The following YBX2 variants were observed in gnomAD, a reference collection of about 807,000 sequenced individuals.
YBX2 encodes Y-box binding protein 2.
YBX2 carries 5 observed loss-of-function variants against 44.4 expected under a neutral mutation model. The ratio of observed to expected loss-of-function variants is 0.11; its 90% CI spans 0.06 to 0.24. The LOEUF is 0.24. Ranked by LOEUF, YBX2 falls within the 10% of genes least tolerant of loss-of-function variation. The pLI, the probability that YBX2 is intolerant of heterozygous loss-of-function variation, is 1.00. For missense variants in YBX2, 417 were observed against 526.9 expected, an observed-to-expected ratio of 0.79 and a Z score of 2.04; for synonymous variants, 188 against 216.1, an observed-to-expected ratio of 0.87 and a Z score of 1.14.
rs1372477696 is a variant in YBX2 at position 7,290,035 on chromosome 17, A to G, written c.781T>C (p.Leu261=). 5.0e-6 allele frequency: 8 copies of G among 1,614,196 alleles called. No homozygotes were observed. The highest frequency in any genetic ancestry group is 3.3e-4 in the Middle Eastern group (2 of 6,062). ...DRVEPKETAP[L]EGHQQQGDER... ...TCTCCCTGCTGTTGGTGCCCCTCCAATGGGGCTGTCTCTTTGGGTTCTACC... is the reference window on the plus strand; with the variant it reads ...TCTCCCTGCTGTTGGTGCCCCTCCAGTGGGGCTGTCTCTTTGGGTTCTACC... The change falls in exon 6 of 9, where the codon TTG becomes CTG. Residue 261 remains leucine (L), a synonymous_variant. Transcript: ENST00000007699.
At position 7,291,896 on chromosome 17, in the gene YBX2, G is replaced by A. The variant is rs930535277; in HGVS notation, c.369+130C>T. ...AGTGCGGCTAATGGTGGTTGACACA[G>A]GCACCCAAGGCGGATGGGCCGTTGT... On this transcript the variant is annotated intron_variant, in intron 3 of 8. Transcript: ENST00000007699. The surrounding 1 kb of genome is among the most constrained non-coding windows in gnomAD (Gnocchi z 5.8). 1.7e-6 allele frequency: 2 copies of A among 1,185,364 alleles called. No homozygotes were observed. Among genetic ancestry groups the A allele is most frequent in the Admixed American group, 3.5e-5 (2 of 56,596 alleles). The allele number at this position is 1,185,364 out of a possible 1,614,324, so 73.4% of individuals were successfully genotyped here.
chr17:7,294,446 G>A lies in YBX2; in HGVS notation c.55C>T (p.Pro19Ser), dbSNP rs1441124846. The change falls in exon 1 of 9, where the codon CCC becomes TCC. Residue 19 changes from proline (P) to serine (S), a missense_variant. Transcript: ENST00000007699. This position sits in a 1 kb window ranked among gnomAD's most constrained non-coding sequence, Gnocchi z 4.6. The part of the protein sequence containing the change: ...GATAVPAATV[P>S]ATAAGVVAVV... Reference sequence around the variant, plus strand: ...GCTACCACCCCTGCCGCCGTCGCGGGCACCGTCGCCGCGGGGACCGCTGTA... The same window carrying A: ...GCTACCACCCCTGCCGCCGTCGCGGACACCGTCGCCGCGGGGACCGCTGTA... 1 of 1,474,652 alleles carries A rather than the reference G, an allele frequency of 6.8e-7. No homozygotes were observed. The highest frequency in any genetic ancestry group is 9.0e-7 in the Non-Finnish European group (1 of 1,116,080). 91.3% of individuals were successfully genotyped at this position (1,474,652 alleles called of 1,614,324 possible).
intron 2 of YBX2, chr17:7,292,921 C>T (rs988652665): frequency 1.2e-5 from 2 of 168,216 alleles, no homozygotes; most frequent in Admixed American, 5.6e-5. Context: ...AGACCTGGCT[C>T]TGCTCAGAAT....
rs1395251102 is a variant in YBX2 at position 7,289,675 on chromosome 17, C to T, written c.899G>A (p.Gly300Asp). ...RQQPTTEGGD[G>D]ETKPSQGPAD... is the part of the protein sequence containing the mutation. ...GGGACCTTGGCTGGGCTTGGTCTCA[C>T]CATCCCCACCTTCTGTGGTAGGCTG... Residue 300 changes from glycine (G) to aspartate (D), a missense_variant, in exon 7 of 9, where the codon GGT becomes GAT. Gly to Asp is a moderately conservative substitution (Grantham distance 94, BLOSUM62 -1). This residue lies in a region of YBX2 where 257 missense variants were observed against 261.7 expected (regional missense o/e 0.98). Coordinates refer to ENST00000007699, the MANE Select transcript of YBX2 (RefSeq NM_015982.4). 6.2e-7 allele frequency: 1 copy of T among 1,614,080 alleles called. No homozygotes were observed. Among genetic ancestry groups the T allele is most frequent in the Non-Finnish European group, 8.5e-7 (1 of 1,179,984 alleles).
chr17:7,293,130 G>A, intron 2 of YBX2: 1 of 354,398 alleles, frequency 2.8e-6, no homozygotes, highest in South Asian at 2.7e-5. Flanking sequence ...TTCCAGCCGG[G>A]GGCCCTGAGG....
intron 2 of YBX2, chr17:7,292,959 AG>A: frequency 5.4e-6 from 1 of 184,696 alleles, no homozygotes; most frequent in Non-Finnish European, 1.1e-5. Context: ...CCCGGTGCTG[AG>A]GGGTGGGGCT....
chr17:7,291,761 A>C lies in YBX2; in HGVS notation c.369+265T>G. On this transcript the variant is annotated intron_variant, in intron 3 of 8. Coordinates refer to ENST00000007699, the MANE Select transcript of YBX2 (RefSeq NM_015982.4). This position sits in a 1 kb window ranked among gnomAD's most constrained non-coding sequence, Gnocchi z 5.8. Reference sequence around the variant, plus strand: ...TGCACCCAAGGACCTTCTCCCTCTGAAAACTGCCTCAGTGCTTCCTGGAGT... The same window carrying C: ...TGCACCCAAGGACCTTCTCCCTCTGCAAACTGCCTCAGTGCTTCCTGGAGT... 1.9e-6 allele frequency: 1 copy of C among 520,556 alleles called. No homozygotes were observed. Among genetic ancestry groups the C allele is most frequent in the East Asian group, 3.3e-5 (1 of 30,126 alleles). 32.2% of individuals were successfully genotyped at this position (520,556 alleles called of 1,614,324 possible).
In YBX2 at chr17:7,290,542, A is replaced by T; in HGVS notation, c.460-7T>A. On this transcript the variant is annotated splice_polypyrimidine_tract_variant and splice_region_variant and intron_variant, in intron 4 of 8. Transcript: ENST00000007699. ...CATTAGTGGCTTCTGCGCCCTGGGA[A>T]GGTGGTAAGGGAATAGTGAGAACCT... 1 of 1,610,896 alleles carries T rather than the reference A, an allele frequency of 6.2e-7. No individual in the cohort carries two copies. Among genetic ancestry groups the T allele is most frequent in the Non-Finnish European group, 8.5e-7 (1 of 1,178,080 alleles).
intron 7 of YBX2, 138 bp downstream of exon 7, chr17:7,289,392 G>T (rs2072480710): frequency 2.3e-6 from 3 of 1,333,094 alleles, no homozygotes; most frequent in Non-Finnish European, 3.0e-6. Context: ...GACCCAGCAG[G>T]CTGCATGGAA....
rs891394877 is a variant in YBX2, at chr17:7,294,144, G to A, written c.271+86C>T. On this transcript the variant is annotated intron_variant, in intron 1 of 8. Coordinates refer to ENST00000007699, the MANE Select transcript of YBX2 (RefSeq NM_015982.4). The surrounding 1 kb of genome is among the most constrained non-coding windows in gnomAD (Gnocchi z 4.6). The stretch of plus-strand genomic sequence containing the variant: ...GGGCCTGCGGGCCAGGCCGCCTTTG[G>A]TTTTCCGGATCCTGCCGGGCTCCAC... 5.7e-6 allele frequency: 7 copies of A among 1,227,178 alleles called. No homozygotes were observed. The highest frequency in any genetic ancestry group is 1.6e-5 in the African/African-American group (1 of 63,650). 76.0% of individuals were successfully genotyped at this position (1,227,178 alleles called of 1,614,324 possible). A position where few individuals can be genotyped will look rare whatever the true frequency, so the allele number is the denominator to read the frequency against.
Position 7,294,373 on chromosome 17 carries a change from GC to G in YBX2, c.127del (p.Ala43ArgfsTer118). 2 of 1,407,524 alleles carry G rather than the reference GC, an allele frequency of 1.4e-6. No homozygotes were observed. The highest frequency in any genetic ancestry group is 3.2e-5 in the East Asian group (1 of 31,542). The allele number at this position is 1,407,524 out of a possible 1,614,324, so 87.2% of individuals were successfully genotyped here. ...CGAGGCGGCTCCGCCCCCGCCGCCCGCCCCGCCGCCTTTCTGCGGCTCCCCT... is the reference window on the plus strand; with the variant it reads ...CGAGGCGGCTCCGCCCCCGCCGCCCGCCCGCCGCCTTTCTGCGGCTCCCCT... Reference protein sequence around the residue: ...PAGEPQKGGGAGGGGGAASGP... With the variant: ...PAGEPQKGGGXGGGGGAASGP... On this transcript the variant is annotated frameshift_variant, in exon 1 of 9. Coordinates refer to ENST00000007699, the MANE Select transcript of YBX2 (RefSeq NM_015982.4). LOFTEE classifies it high-confidence loss of function. This position sits in a 1 kb window ranked among gnomAD's most constrained non-coding sequence, Gnocchi z 4.6.
intron 7 of YBX2, 103 bp downstream of exon 7, chr17:7,289,427 G>A: frequency 6.6e-7 from 1 of 1,508,512 alleles, no homozygotes. Flanking sequence ...GGCCAGGGCA[G>A]GGGAGGGGAG....
rs1329522833 is a variant in YBX2, at chr17:7,294,578, G to T, written c.-78C>A. On this transcript the variant is annotated 5_prime_UTR_variant, in exon 1 of 9. Coordinates refer to ENST00000007699, the MANE Select transcript of YBX2 (RefSeq NM_015982.4). The surrounding 1 kb of genome is among the most constrained non-coding windows in gnomAD (Gnocchi z 4.6). ...GGCTCGCGAACCCACCGCCCTGCTC[G>T]GTCCTCGCGCCCCGAGCCTCGCCCA... is the stretch of plus-strand genomic sequence containing the variant. The T allele has an allele frequency of 5.7e-5, 72 of 1,271,638 alleles. No individual in the cohort carries two copies. In the Middle Eastern group the frequency reaches 9.1e-4, roughly 16 times the overall value. 78.8% of individuals were successfully genotyped at this position (1,271,638 alleles called of 1,614,324 possible). A position where few individuals can be genotyped will look rare whatever the true frequency, so the allele number is the denominator to read the frequency against.
Position 7,291,159 on chromosome 17 carries a change from G to A in YBX2, c.393C>T (p.Pro131=). 1.9e-6 allele frequency: 3 copies of A among 1,613,930 alleles called. No homozygotes were observed. The highest frequency in any genetic ancestry group is 2.5e-6 in the Non-Finnish European group (3 of 1,180,022). The change falls in exon 4 of 9, where the codon CCC becomes CCT. Residue 131 remains proline, a synonymous_variant. Transcript: ENST00000007699. The surrounding 1 kb of genome is among the most constrained non-coding windows in gnomAD (Gnocchi z 5.8). ...CTCCAACGCTGCGCAGAAACTTCCTGGGGTTGTTTCTTTTAATAGCTGTCT... is the reference window on the plus strand; with the variant it reads ...CTCCAACGCTGCGCAGAAACTTCCTAGGGTTGTTTCTTTTAATAGCTGTCT... The part of the protein sequence containing the change: ...VHQTAIKRNN[P]RKFLRSVGDG...
chr17:7,292,325 A>C, intron 2 of YBX2: 1 of 499,348 alleles, frequency 2.0e-6, no homozygotes, highest in Non-Finnish European at 3.7e-6. Flanking sequence ...ACCTTGAGGA[A>C]CCTCAGACAG....
At position 7,291,336 on chromosome 17, in the gene YBX2, G is replaced by T; in HGVS notation, c.370-154C>A. Reference sequence around the variant, plus strand: ...AAGGAGGTGGTCAAAGTTTAGCAGGGGAAAAGTCCTGAACTCAGGGCCTCA... The same window carrying T: ...AAGGAGGTGGTCAAAGTTTAGCAGGTGAAAAGTCCTGAACTCAGGGCCTCA... On this transcript the variant is annotated intron_variant, in intron 3 of 8. Transcript: ENST00000007699. This position sits in a 1 kb window ranked among gnomAD's most constrained non-coding sequence, Gnocchi z 5.8. 1.3e-6 allele frequency: 1 copy of T among 750,536 alleles called. No individual in the cohort carries two copies. The highest frequency in any genetic ancestry group is 2.3e-6 in the Non-Finnish European group (1 of 432,404). The allele number at this position is 750,536 out of a possible 1,614,324, so 46.5% of individuals were successfully genotyped here. A position where few individuals can be genotyped will look rare whatever the true frequency, so the allele number is the denominator to read the frequency against.
At chr17:7,293,871 T>C (rs2072519132) in intron 1 of YBX2, 4 of 524,762 alleles carry the variant, frequency 7.6e-6, no homozygotes, top group African/African-American at 1.9e-5. Context: ...TGAGGGTTTT[T>C]CTAGCCCTCC....
chr17:7,288,703 G>C, intron 8 of YBX2, 46 bp downstream of exon 8: 1 of 1,514,132 alleles, frequency 6.6e-7, no homozygotes, highest in Non-Finnish European at 9.2e-7. Flanking sequence ...TCGCCACCCA[G>C]TACCTCACCT....
Position 7,291,220 on chromosome 17 carries a change from A to G in YBX2, c.370-38T>C, listed in dbSNP as rs2072499422. The G allele has an allele frequency of 2.1e-5, 33 of 1,589,800 alleles. No individual in the cohort carries two copies. Among genetic ancestry groups the G allele is most frequent in the Non-Finnish European group, 2.8e-5 (33 of 1,158,054 alleles). On this transcript the variant is annotated intron_variant, in intron 3 of 8. Coordinates refer to ENST00000007699, the MANE Select transcript of YBX2 (RefSeq NM_015982.4). The surrounding 1 kb of genome is among the most constrained non-coding windows in gnomAD (Gnocchi z 5.8). ...AAGGCCATGTGAAAAGTGAGACAGC[A>G]AGACAGGAGTCTCTGTCACCCCTGC...
Sources: allele counts gnomAD v4.1 joint callset, GRCh38; gene constraint gnomAD v4.1.1; regional missense constraint gnomAD v4.1.1; non-coding constraint Gnocchi (gnomAD v3.1); transcripts MANE v1.5; gene names NCBI Gene and HGNC (gene_info 2026-07-23, HGNC 2026-07-21).